The following ABCD3 variants were observed in gnomAD, a reference collection of about 807,000 sequenced individuals.
ABCD3 encodes ATP binding cassette subfamily D member 3.
Under a neutral mutation model 105.5 loss-of-function variants are expected in ABCD3, and 41 were observed. That is an observed-to-expected ratio of 0.39 (90% CI 0.30 to 0.50). The LOEUF (loss-of-function observed/expected upper bound fraction) is 0.50. ABCD3 is among the 20% of genes least tolerant of loss of function. The pLI is 0.84. For synonymous variants in ABCD3, 258 were observed against 269.0 expected, an observed-to-expected ratio of 0.96 and a Z score of 0.40; for missense variants, 622 against 806.3, an observed-to-expected ratio of 0.77 and a Z score of 2.77.
chr1:94,464,854 C>T lies in ABCD3; in HGVS notation c.227C>T (p.Pro76Leu). ...ATACAGATTCTGAAAATCATGGTCC[C>T]TAGAACATTTTGTAAAGAGGTAAGT... ...RLIQILKIMV[P>L]RTFCKETGYL... Residue 76 changes from proline to leucine, a missense_variant, in exon 3 of 23, where the codon CCT (proline) becomes CTT (leucine). Coordinates refer to ENST00000370214, the MANE Select transcript of ABCD3 (RefSeq NM_002858.4). The T allele has an allele frequency of 6.2e-7, 1 of 1,613,466 alleles. No homozygotes were observed. The highest frequency in any genetic ancestry group is 1.7e-4 in the Middle Eastern group (1 of 6,060).
intron 16 of ABCD3, among the ~76,000 whole-genome samples, chr1:94,493,356 T>C (rs1297193675): frequency 6.6e-6 from 1 of 152,010 alleles, no homozygotes; most frequent in African/African-American, 2.4e-5. Flanking sequence ...TCACCATCAC[T>C]GGCCATCAGA....
chr1:94,418,244 G>A (rs896938511), upstream of ABCD3, among the ~76,000 whole-genome samples: 1 of 152,318 alleles, frequency 6.6e-6, no homozygotes, highest in African/African-American at 2.4e-5. Flanking sequence ...TGCGCAGAGC[G>A]CGTCCCGGGA....
chr1:94,501,564 A>G (rs1326939546), intron 20 of ABCD3, among the ~76,000 whole-genome samples: 2 of 152,180 alleles, frequency 1.3e-5, no homozygotes, highest in Non-Finnish European at 2.9e-5. Flanking sequence ...GTTGAGGGGA[A>G]AGTAGGTATT....
intron 4 of ABCD3, 72 bp from the exon 5 acceptor site, chr1:94,473,694 C>A: frequency 1.7e-6 from 2 of 1,169,232 alleles, no homozygotes; most frequent in Non-Finnish European, 1.3e-6. Flanking sequence ...AATTTTAGAG[C>A]TTTACAGAAG....
At chr1:94,509,054 G>T (rs1557693041) in intron 21 of ABCD3, among the ~76,000 whole-genome samples, 1 of 152,108 alleles carries the variant, frequency 6.6e-6, no homozygotes, top group Admixed American at 6.6e-5. Context: ...GGGCATCCCT[G>T]TCTTGTGCCA....
rs1164558206 is a variant in ABCD3 at position 94,506,548 on chromosome 1, T to C, written c.1751T>C (p.Leu584Ser). 1.2e-6 allele frequency: 2 copies of C among 1,612,312 alleles called. No individual in the cohort carries two copies. ...TTTTTTATGCTTCAGATGGCAAGAT[T>C]ATTTTATCATAAACCCCAGTTTGCC... ...GEKQRMAMAR[L>S]FYHKPQFAIL... is the part of the protein sequence containing the mutation. The change falls in exon 21 of 23, where the codon TTA becomes TCA. Residue 584 changes from leucine to serine, a missense_variant. This residue lies in a region of ABCD3 where 285 missense variants were observed against 352.5 expected (regional missense o/e 0.81). Transcript: ENST00000370214.
At chr1:94,506,396 G>A in intron 20 of ABCD3, 142 bp from the exon 21 acceptor site, 2 of 615,782 alleles carry the variant, frequency 3.2e-6, no homozygotes, top group East Asian at 3.1e-5. Flanking sequence ...TTCTATTTCT[G>A]GGAAGTAGAT....
intron 13 of ABCD3, among the ~76,000 whole-genome samples, chr1:94,489,021 C>A (rs1649404648): frequency 6.6e-6 from 1 of 152,014 alleles, no homozygotes; most frequent in Admixed American, 6.6e-5. Flanking sequence ...ACCATCAAGA[C>A]CATAAACATT....
At chr1:94,502,497 G>GT (rs34232258) in intron 20 of ABCD3, among the ~76,000 whole-genome samples, 418 of 131,100 alleles carry the variant, frequency 3.2e-3, no homozygotes, top group Middle Eastern at 0.028. Context: ...TGCCCCCCTA[G>GT]TTTTTTTTTT....
the ABCD3 span, among the ~76,000 whole-genome samples, chr1:94,388,558 C>T: frequency 4.6e-5 from 7 of 152,190 alleles, no homozygotes; most frequent in African/African-American, 1.7e-4. Flanking sequence ...GAGAAGCACC[C>T]TACTTGCCCC....
At chr1:94,447,934 C>T (rs1660420455) in intron 1 of ABCD3, among the ~76,000 whole-genome samples, 1 of 152,212 alleles carries the variant, frequency 6.6e-6, no homozygotes, top group Non-Finnish European at 1.5e-5. Context: ...AATCTATTTT[C>T]TATCCTTAGA....
Position 94,517,303 on chromosome 1 carries a change from T to C in ABCD3, c.*174T>C, listed in dbSNP as rs959025999. 2 of 562,850 alleles carry C rather than the reference T, an allele frequency of 3.6e-6. No individual in the cohort carries two copies. The highest frequency in any genetic ancestry group is 3.0e-5 in the Admixed American group (1 of 33,620). 34.9% of individuals were successfully genotyped at this position (562,850 alleles called of 1,614,324 possible). On this transcript the variant is annotated 3_prime_UTR_variant, in exon 23 of 23. Transcript: ENST00000370214. ...CAAGTTGTTAAAACATTTAATATTATATAGGATATTGCTAATTGTGTATAT... is the reference window on the plus strand; with the variant it reads ...CAAGTTGTTAAAACATTTAATATTACATAGGATATTGCTAATTGTGTATAT...
intron 1 of ABCD3, among the ~76,000 whole-genome samples, chr1:94,428,569 A>G (rs1308684216): frequency 2.0e-5 from 3 of 152,090 alleles, no homozygotes; most frequent in Admixed American, 2.0e-4. Context: ...GACTGGTGGG[A>G]GGTAATTGAA....
the ABCD3 span, chr1:94,406,495 G>A: frequency 3.4e-4 from 140 of 411,736 alleles, no homozygotes; most frequent in African/African-American, 2.8e-3. Context: ...TGGCGCTTCA[G>A]TTGAATCCAG....
intron 7 of ABCD3, 71 bp downstream of exon 7, chr1:94,475,808 A>G: frequency 7.6e-7 from 1 of 1,323,434 alleles, no homozygotes; most frequent in Non-Finnish European, 1.1e-6. Flanking sequence ...AAATTTATAT[A>G]GAATTGATTT....
At chr1:94,509,975 A>G (rs1444685247) in intron 21 of ABCD3, among the ~76,000 whole-genome samples, 1 of 151,646 alleles carries the variant, frequency 6.6e-6, no homozygotes, top group Admixed American at 6.6e-5. Context: ...AGGGCTTTTT[A>G]TGTCTCTATT....
intron 20 of ABCD3, among the ~76,000 whole-genome samples, chr1:94,503,215 A>G (rs1650185178): frequency 6.6e-6 from 1 of 152,172 alleles, no homozygotes; most frequent in African/African-American, 2.4e-5. Context: ...CTGACAGCAT[A>G]GTGGGAGCGA....
At chr1:94,465,159 G>A (rs986934779) in intron 3 of ABCD3, among the ~76,000 whole-genome samples, 3 of 152,132 alleles carry the variant, frequency 2.0e-5, no homozygotes, top group African/African-American at 7.2e-5. Context: ...CTCACTCACT[G>A]TCTGGAGGAC....
chr1:94,436,521 T>A (rs190068387), intron 1 of ABCD3, among the ~76,000 whole-genome samples: 2 of 152,230 alleles, frequency 1.3e-5, no homozygotes, highest in Non-Finnish European at 2.9e-5. Context: ...CATATTGATA[T>A]AGGCATGCCT....
Sources: allele counts gnomAD v4.1 joint callset (sites outside exome capture counted in the v4.1 genomes callset), GRCh38; gene constraint gnomAD v4.1.1; regional missense constraint gnomAD v4.1.1; transcripts MANE v1.5; gene names NCBI Gene and HGNC (gene_info 2026-07-23, HGNC 2026-07-21).